The following SAR1B variants were observed in gnomAD, a reference collection of about 807,000 sequenced individuals.
SAR1B encodes small COPII coat GTPase SAR1B.
SAR1B carries 23 observed loss-of-function variants against 26.8 expected under a neutral mutation model. That is an observed-to-expected ratio of 0.86 (90% CI 0.62 to 1.22). The LOEUF is 1.22. Among genes scored for constraint, SAR1B ranks in the 50% most tolerant of loss-of-function variants. The pLI, the probability that SAR1B is intolerant of heterozygous loss-of-function variation, is 0.00. For synonymous variants in SAR1B, 65 were observed against 80.8 expected, an observed-to-expected ratio of 0.80 and a Z score of 1.05; for missense variants, 196 against 232.8, an observed-to-expected ratio of 0.84 and a Z score of 1.03.
intron 2 of SAR1B, 120 bp downstream of exon 2, chr5:134,623,842 C>A: frequency 2.7e-6 from 2 of 728,768 alleles, no homozygotes; most frequent in Non-Finnish European, 2.5e-6. Flanking sequence ...GATTTCAAAG[C>A]CCATATTCTT....
At chr5:134,611,688 G>A (rs1272984105) in intron 4 of SAR1B, among the ~76,000 whole-genome samples, 1 of 152,146 alleles carries the variant, frequency 6.6e-6, no homozygotes, top group Non-Finnish European at 1.5e-5. Flanking sequence ...GTGCTATGAA[G>A]TATAGCTGAG....
chr5:134,627,978 A>G (rs934696352), intron 1 of SAR1B, among the ~76,000 whole-genome samples: 6 of 151,566 alleles, frequency 4.0e-5, no homozygotes, highest in Non-Finnish European at 2.9e-5. Context: ...CATCTCTACT[A>G]AAAATACAAA....
At chr5:134,623,419 G>A (rs569319937) in intron 2 of SAR1B, among the ~76,000 whole-genome samples, 37 of 150,034 alleles carry the variant, frequency 2.5e-4, no homozygotes, top group African/African-American at 8.8e-4. Context: ...CAGCCTGGGC[G>A]ACAGAGCGAG....
intron 2 of SAR1B, among the ~76,000 whole-genome samples, chr5:134,622,551 C>T (rs181405563): frequency 0.02 from 2,986 of 151,602 alleles, 102 homozygotes; most frequent in African/African-American, 0.067. Context: ...GCTGGGACTA[C>T]AGGCGCGTGC....
At chr5:134,626,297 TCAAAAAAAAAAAA>T (rs1561789526) in intron 1 of SAR1B, among the ~76,000 whole-genome samples, 1 of 19,484 alleles carries the variant, frequency 5.1e-5, no homozygotes, top group Admixed American at 8.4e-4. Flanking sequence ...AGACTCTGCC[TCAAAAAAAAAAAA>T]AAAAAAAAAA....
rs1266974927 is a variant in SAR1B at position 134,603,166 on chromosome 5, T to C, written c.*3784A>G. 2.0e-5 allele frequency: 3 copies of C among 152,362 alleles called. No individual in the cohort carries two copies. The highest frequency in any genetic ancestry group is 3.9e-4 in the East Asian group (2 of 5,188). 9.4% of individuals were successfully genotyped at this position (152,362 alleles called of 1,614,324 possible). ...ATGAACAGAAGGAATTTTGAGAGATTTCCCCTTATGTAGCTATTCTCAGTG... is the reference window on the plus strand; with the variant it reads ...ATGAACAGAAGGAATTTTGAGAGATCTCCCCTTATGTAGCTATTCTCAGTG... On this transcript the variant is annotated 3_prime_UTR_variant, in exon 7 of 7. Transcript: ENST00000402673.
chr5:134,601,220 T>C lies in SAR1B; in HGVS notation c.*5730A>G, dbSNP rs1009432671. The C allele has an allele frequency of 1.3e-5, 2 of 152,180 alleles. No homozygotes were observed. The highest frequency in any genetic ancestry group is 2.9e-5 in the Non-Finnish European group (2 of 68,014). The allele number at this position is 152,180 out of a possible 1,614,324, so 9.4% of individuals were successfully genotyped here. On this transcript the variant is annotated 3_prime_UTR_variant, in exon 7 of 7. Coordinates refer to ENST00000402673, the MANE Select transcript of SAR1B (RefSeq NM_016103.4). ...AAATTCATGGCAGGTGAAAAGATAA[T>C]AGAACATAATCAAACTAACATATAA...
At chr5:134,630,899 T>C (rs1256851865) in intron 1 of SAR1B, among the ~76,000 whole-genome samples, 9 of 141,686 alleles carry the variant, frequency 6.4e-5, no homozygotes, top group East Asian at 4.0e-4. Context: ...CTTTTTTTTT[T>C]TTTTTTTTTT....
chr5:134,609,633 T>C lies in SAR1B; in HGVS notation c.286A>G (p.Ile96Val), dbSNP rs1390362549. The change falls in exon 5 of 7, where the codon ATT becomes GTT. Residue 96 changes from isoleucine to valine, a missense_variant. Coordinates refer to ENST00000402673, the MANE Select transcript of SAR1B (RefSeq NM_016103.4). ...WKNYLPAING[I>V]VFLVDCADHE... is the part of the protein sequence containing the mutation. ...TCTGCACAATCCACCAGAAATACAA[T>C]GCCATTGATAGCAGGAAGGTAGTTT... 6.2e-7 allele frequency: 1 copy of C among 1,614,162 alleles called. No homozygotes were observed. The highest frequency in any genetic ancestry group is 1.1e-5 in the South Asian group (1 of 91,084).
intron 6 of SAR1B, among the ~76,000 whole-genome samples, chr5:134,608,054 G>A (rs1164667076): frequency 2.6e-5 from 4 of 152,058 alleles, no homozygotes; most frequent in Non-Finnish European, 5.9e-5. Context: ...ACACACTACT[G>A]GTATACTTAA....
chr5:134,609,498 C>G, intron 5 of SAR1B, 73 bp downstream of exon 5: 1 of 1,201,004 alleles, frequency 8.3e-7, no homozygotes, highest in Non-Finnish European at 1.2e-6. Context: ...ACTCTGATAC[C>G]TGTATCTCTG....
In SAR1B at chr5:134,603,102, A is replaced by G. The variant is rs1430931133; in HGVS notation, c.*3848T>C. ...ATTTTTTAATGCTTCAACTTTTTAC[A>G]TATGTTTAAAATGATTTAAACAATA... On this transcript the variant is annotated 3_prime_UTR_variant, in exon 7 of 7. Transcript: ENST00000402673. The G allele has an allele frequency of 1.3e-5, 2 of 152,200 alleles. No individual in the cohort carries two copies. Among genetic ancestry groups the G allele is most frequent in the Non-Finnish European group, 2.9e-5 (2 of 68,042 alleles). The allele number at this position is 152,200 out of a possible 1,614,324, so 9.4% of individuals were successfully genotyped here.
chr5:134,621,641 G>C (rs376652781), intron 2 of SAR1B, among the ~76,000 whole-genome samples: 16 of 152,134 alleles, frequency 1.1e-4, no homozygotes, highest in African/African-American at 3.4e-4. Flanking sequence ...TATCAATCAG[G>C]TATTGATTGA....
At chr5:134,612,516 A>G (rs1014201125) in intron 4 of SAR1B, among the ~76,000 whole-genome samples, 175 bp downstream of exon 4, 1 of 151,792 alleles carries the variant, frequency 6.6e-6, no homozygotes, top group Non-Finnish European at 1.5e-5. Flanking sequence ...GCGGTGGCAC[A>G]TGCCTGTAAT....
In SAR1B at chr5:134,602,633, C is replaced by T. The variant is rs1036948121; in HGVS notation, c.*4317G>A. The stretch of plus-strand genomic sequence containing the variant: ...GTGGCTCATGTGTATAATCCCAGCA[C>T]TTTGGGAGGCCGAGGCGAGTGGATC... On this transcript the variant is annotated 3_prime_UTR_variant, in exon 7 of 7. Coordinates refer to ENST00000402673, the MANE Select transcript of SAR1B (RefSeq NM_016103.4). 6.6e-6 allele frequency: 1 copy of T among 152,160 alleles called. No individual in the cohort carries two copies. Among genetic ancestry groups the T allele is most frequent in the Non-Finnish European group, 1.5e-5 (1 of 68,036 alleles). 9.4% of individuals were successfully genotyped at this position (152,160 alleles called of 1,614,324 possible).
chr5:134,618,192 C>T (rs966375512), intron 3 of SAR1B: 1 of 152,138 alleles, frequency 6.6e-6, no homozygotes, highest in African/African-American at 2.4e-5. Context: ...TGGCGGGCAC[C>T]TGTAGTTCCA....
rs190673410 is a variant in SAR1B at position 134,623,228 on chromosome 5, C to T, written c.58+734G>A. Among the ~76,000 whole-genome samples the T allele has an allele frequency of 1.7e-3, 253 of 151,896 alleles. 2 individuals are homozygous for T. Among genetic ancestry groups the T allele is most frequent in the African/African-American group, 6.0e-3 (247 of 41,444 alleles). On this transcript the variant is annotated intron_variant, in intron 2 of 6. Coordinates refer to ENST00000402673, the MANE Select transcript of SAR1B (RefSeq NM_016103.4). ...GGCTGAGGTGGGCAGATCACTCGAG[C>T]TCAGGAGTTTAAGACCAGCCTGGCC...
At position 134,624,047 on chromosome 5, in the gene SAR1B, AAG is replaced by A. The variant is rs768683046; in HGVS notation, c.-18-12_-18-11del. The A allele has an allele frequency of 3.6e-5, 56 of 1,536,952 alleles. No individual in the cohort carries two copies. The highest frequency in any genetic ancestry group is 2.9e-4 in the African/African-American group (21 of 73,310). ...CCAAATCTGATAGGGTCTGAAAAAA[AAG>A]AGTTTGAATTTAGTAGTCAACATTA... is the stretch of plus-strand genomic sequence containing the variant. On this transcript the variant is annotated splice_polypyrimidine_tract_variant and intron_variant, in intron 1 of 6. Coordinates refer to ENST00000402673, the MANE Select transcript of SAR1B (RefSeq NM_016103.4).
intron 5 of SAR1B, chr5:134,609,047 T>C (rs1420946153): frequency 2.2e-6 from 1 of 456,170 alleles, no homozygotes; most frequent in Non-Finnish European, 4.4e-6. Flanking sequence ...CAACCTTCAA[T>C]CAAATCATGG....
Sources: gnomAD v4.1 joint callset for allele counts (sites outside exome capture counted in the v4.1 genomes callset) on GRCh38, gnomAD v4.1.1 for gene constraint, MANE v1.5 for transcripts, NCBI Gene and HGNC (gene_info 2026-07-23, HGNC 2026-07-21) for gene names.